H2AZ2: variants seen among roughly 807,000 people sequenced by gnomAD.
The protein encoded by H2AZ2 is H2A.Z variant histone 2.
H2AZ2 carries 5 observed loss-of-function variants against 15.5 expected under a neutral mutation model. The ratio of observed to expected loss-of-function variants is 0.32; its 90% CI spans 0.17 to 0.68. The LOEUF (loss-of-function observed/expected upper bound fraction) is 0.68, where lower values mean the gene tolerates loss of function less well. Among genes scored for constraint, H2AZ2 ranks in the 30% least tolerant of loss-of-function variants. H2AZ2 has a pLI of 0.72. For synonymous variants in H2AZ2, 44 were observed against 57.4 expected, an observed-to-expected ratio of 0.77 and a Z score of 1.05; for missense variants, 42 against 162.5, an observed-to-expected ratio of 0.26 and a Z score of 4.03.
intron 1 of H2AZ2, among the ~76,000 whole-genome samples, chr7:44,844,622 G>A (rs1793354253): frequency 6.6e-6 from 1 of 152,178 alleles, no homozygotes; most frequent in African/African-American, 2.4e-5. Flanking sequence ...CCAAAGTACT[G>A]GGATTACAGG....
chr7:44,834,059 C>T lies in H2AZ2; in HGVS notation c.*442G>A, dbSNP rs941860379. On this transcript the variant is annotated 3_prime_UTR_variant, in exon 5 of 5. Transcript: ENST00000308153. ...TAGTCGTTTGTAAAAAATGGTGCTA[C>T]AGATCAATAGCATCTAAGAGTCAAT... The T allele has an allele frequency of 9.2e-6, 6 of 652,514 alleles. No homozygotes were observed. The highest frequency in any genetic ancestry group is 1.1e-5 in the Non-Finnish European group (6 of 526,510). 40.4% of individuals were successfully genotyped at this position (652,514 alleles called of 1,614,324 possible). A position where few individuals can be genotyped will look rare whatever the true frequency, so the allele number is the denominator to read the frequency against.
In H2AZ2 at chr7:44,834,210, G is replaced by C. The variant is rs560999627; in HGVS notation, c.*291C>G. The C allele has an allele frequency of 6.4e-5, 74 of 1,157,526 alleles. 1 individual carries two copies. In the South Asian group the frequency reaches 1.8e-3, roughly 28 times the overall value. The allele number at this position is 1,157,526 out of a possible 1,614,324, so 71.7% of individuals were successfully genotyped here. On this transcript the variant is annotated 3_prime_UTR_variant, in exon 5 of 5. Coordinates refer to ENST00000308153, the MANE Select transcript of H2AZ2 (RefSeq NM_012412.5). ...AAATATTTCTAATACATCATGAACA[G>C]AACAGTTTTGAGACAAATTAATTTT...
chr7:44,841,190 C>A (rs1422907367), intron 2 of H2AZ2, among the ~76,000 whole-genome samples, 178 bp from the exon 3 acceptor site: 1 of 152,118 alleles, frequency 6.6e-6, no homozygotes, highest in African/African-American at 2.4e-5. Flanking sequence ...GGTAATCTGT[C>A]CAAAATCTTT....
chr7:44,831,535 C>G (rs78007897), downstream of H2AZ2, among the ~76,000 whole-genome samples: 2,825 of 151,890 alleles, frequency 0.019, 44 homozygotes, highest in East Asian at 0.058. Context: ...TGCACTCCCC[C>G]CCCCGCTTCT....
In H2AZ2 at chr7:44,833,944, A is replaced by C; in HGVS notation, c.*557T>G. On this transcript the variant is annotated 3_prime_UTR_variant, in exon 5 of 5. Transcript: ENST00000308153. ...TAATTCCACTACCATTTCAGTCATAAATGCATACTTTTCTATAATCTAACA... is the reference window on the plus strand; with the variant it reads ...TAATTCCACTACCATTTCAGTCATACATGCATACTTTTCTATAATCTAACA... 1 of 174,880 alleles carries C rather than the reference A, an allele frequency of 5.7e-6. No homozygotes were observed. The highest frequency in any genetic ancestry group is 1.1e-5 in the Non-Finnish European group (1 of 88,848). 10.8% of individuals were successfully genotyped at this position (174,880 alleles called of 1,614,324 possible).
At chr7:44,840,199 T>TA (rs1242597149) in intron 3 of H2AZ2, among the ~76,000 whole-genome samples, 1 of 151,700 alleles carries the variant, frequency 6.6e-6, no homozygotes, top group Non-Finnish European at 1.5e-5. Flanking sequence ...AGTCTCAAAA[T>TA]AAAAAAATAA....
downstream of H2AZ2, among the ~76,000 whole-genome samples, chr7:44,831,709 G>T (rs952692756): frequency 2.6e-5 from 4 of 152,138 alleles, no homozygotes; most frequent in African/African-American, 9.7e-5. Flanking sequence ...CCAGCTAATA[G>T]ATGCAGAAGG....
chr7:44,839,541 G>T (rs1351418662), intron 3 of H2AZ2, among the ~76,000 whole-genome samples: 1 of 151,906 alleles, frequency 6.6e-6, no homozygotes, highest in South Asian at 2.1e-4. Flanking sequence ...AATTAGCCGG[G>T]CGTGGTGGCG....
intron 3 of H2AZ2, among the ~76,000 whole-genome samples, chr7:44,836,568 A>G (rs1225285924): frequency 6.6e-6 from 1 of 151,978 alleles, no homozygotes; most frequent in Non-Finnish European, 1.5e-5. Context: ...CCCAGGCTGC[A>G]GTGCAACGGT....
At chr7:44,831,202 T>A (rs937263155), downstream of H2AZ2, among the ~76,000 whole-genome samples, 2 of 152,042 alleles carry the variant, frequency 1.3e-5, no homozygotes, top group Admixed American at 1.3e-4. Flanking sequence ...AAAAAAGCTA[T>A]CTTTTAGATA....
chr7:44,833,054 A>AT lies in H2AZ2; in HGVS notation c.*1446dup, dbSNP rs919262797. 6.6e-4 allele frequency among the ~76,000 whole-genome samples: 99 copies of AT among 148,912 alleles called. 1 individual carries two copies. The highest frequency in any genetic ancestry group is 1.1e-3 in the Admixed American group (16 of 14,886). On this transcript the variant is annotated 3_prime_UTR_variant, in exon 5 of 5. Coordinates refer to ENST00000308153, the MANE Select transcript of H2AZ2 (RefSeq NM_012412.5). ...GACTAAGAGACTACTAAAAGTTGGG[A>AT]TTTTTTTTTTTGAGACAGAGTCACA... is the stretch of plus-strand genomic sequence containing the variant.
chr7:44,844,386 T>G (rs75843836), intron 1 of H2AZ2, among the ~76,000 whole-genome samples: 1 of 152,196 alleles, frequency 6.6e-6, no homozygotes, highest in East Asian at 1.9e-4. Flanking sequence ...ATGAGGTCCC[T>G]AAAATAGTAA....
At chr7:44,827,406 G>A (rs6970333), downstream of H2AZ2, 147,086 of 152,272 alleles carry the variant, frequency 0.97, 71,077 homozygotes, top group East Asian at 1. Context: ...AGGACTCCTC[G>A]TGAAGAGCAG....
Position 44,843,268 on chromosome 7 carries a change from A to G in H2AZ2, c.81+9T>C. On this transcript the variant is annotated intron_variant, in intron 2 of 4. Coordinates refer to ENST00000308153, the MANE Select transcript of H2AZ2 (RefSeq NM_012412.5). ...AAATAATAATGTAATGACAGCATGG[A>G]TTCATTACCTGTAGCCCAGCTCTCT... 6.4e-7 allele frequency: 1 copy of G among 1,569,294 alleles called. No homozygotes were observed. Among genetic ancestry groups the G allele is most frequent in the South Asian group, 1.2e-5 (1 of 86,712 alleles).
intron 1 of H2AZ2, among the ~76,000 whole-genome samples, chr7:44,845,833 T>C (rs2117046979): frequency 6.6e-6 from 1 of 152,300 alleles, no homozygotes; most frequent in Non-Finnish European, 1.5e-5. Flanking sequence ...ATCAAACTTA[T>C]CTGAATATAA....
chr7:44,845,433 C>G (rs546516979), intron 1 of H2AZ2, among the ~76,000 whole-genome samples: 15 of 152,252 alleles, frequency 9.9e-5, no homozygotes, highest in South Asian at 2.1e-4. Flanking sequence ...GTCAGCTCCA[C>G]TAACAAGACA....
upstream of H2AZ2, chr7:44,848,094 C>T (rs1793464766): frequency 4.0e-6 from 2 of 505,656 alleles, no homozygotes; most frequent in East Asian, 4.2e-5. Flanking sequence ...CCGTGCCCGC[C>T]TCGCGCTGCT....
chr7:44,830,089 G>C (rs1220287915), downstream of H2AZ2: 2 of 1,568,396 alleles, frequency 1.3e-6, no homozygotes, highest in African/African-American at 1.4e-5. Context: ...GTAGAATCTT[G>C]TTCCACTAAA....
At chr7:44,829,248 T>C (rs1470884386), downstream of H2AZ2, 3 of 152,222 alleles carry the variant, frequency 2.0e-5, no homozygotes, top group African/African-American at 4.8e-5. Context: ...CAAGCAGTTA[T>C]AGCAGCTGGA....
Sources: allele counts gnomAD v4.1 joint callset (sites outside exome capture counted in the v4.1 genomes callset), GRCh38; gene constraint gnomAD v4.1.1; transcripts MANE v1.5; gene names NCBI Gene and HGNC (gene_info 2026-07-23, HGNC 2026-07-21).